Variants in FCHSD2 observed in about 807,000 individuals in gnomAD.
The protein encoded by FCHSD2 is FCH and double SH3 domains 2.
FCHSD2 carries 38 observed loss-of-function variants against 108.1 expected under a neutral mutation model. That is an observed-to-expected ratio of 0.35 (90% CI 0.27 to 0.46). FCHSD2 has a LOEUF of 0.46. Ranked by LOEUF, FCHSD2 falls within the 20% of genes least tolerant of loss-of-function variation. The pLI is 1.00. For missense variants in FCHSD2, 751 were observed against 897.8 expected (o/e 0.84, Z 2.09); for synonymous variants, 279 against 314.7 (o/e 0.89, Z 1.20).
intron 3 of FCHSD2, among the ~76,000 whole-genome samples, chr11:73,047,211 A>C (rs1858789707): frequency 6.6e-6 from 1 of 152,070 alleles, no homozygotes; most frequent in Non-Finnish European, 1.5e-5. Flanking sequence ...TGTACCACCC[A>C]TATTATTTGA....
chr11:72,933,884 G>GT (rs1316804298), intron 8 of FCHSD2, among the ~76,000 whole-genome samples: 1 of 152,020 alleles, frequency 6.6e-6, no homozygotes, highest in African/African-American at 2.4e-5. Flanking sequence ...TTAGGTGGGC[G>GT]TATCACTTGA....
At chr11:72,964,842 C>A (rs182304489) in intron 8 of FCHSD2, among the ~76,000 whole-genome samples, 2 of 145,028 alleles carry the variant, frequency 1.4e-5, no homozygotes, top group African/African-American at 2.6e-5. Context: ...CAGGCTGGAG[C>A]GCACTGGCAG....
chr11:73,014,953 C>T (rs528646565), intron 4 of FCHSD2, among the ~76,000 whole-genome samples: 2 of 152,234 alleles, frequency 1.3e-5, no homozygotes, highest in South Asian at 2.1e-4. Flanking sequence ...AAGCAATCCT[C>T]CTGCCTCAGC....
chr11:72,939,330 G>A (rs954844227), intron 8 of FCHSD2, among the ~76,000 whole-genome samples: 6 of 151,978 alleles, frequency 3.9e-5, no homozygotes, highest in African/African-American at 2.4e-5. Flanking sequence ...TCCCCCAGTC[G>A]GTAAGATTGT....
intron 8 of FCHSD2, among the ~76,000 whole-genome samples, chr11:72,962,554 T>C (rs968219579): frequency 2.0e-5 from 3 of 151,842 alleles, no homozygotes; most frequent in Non-Finnish European, 4.4e-5. Context: ...ATTTTTGAGA[T>C]GTTTTTCTTC....
chr11:73,115,359 A>AT (rs1860579381), intron 2 of FCHSD2, among the ~76,000 whole-genome samples: 1 of 152,104 alleles, frequency 6.6e-6, no homozygotes, highest in Non-Finnish European at 1.5e-5. Context: ...CCTCTTTTGT[A>AT]TTTTTAGCAG....
intron 9 of FCHSD2, among the ~76,000 whole-genome samples, chr11:72,904,777 A>G (rs972487380): frequency 1.3e-5 from 2 of 152,176 alleles, no homozygotes; most frequent in Non-Finnish European, 2.9e-5. Flanking sequence ...CTTTCTTTTC[A>G]TATACTAGTT....
chr11:72,879,318 A>G (rs1040570072), intron 12 of FCHSD2, among the ~76,000 whole-genome samples: 1 of 152,200 alleles, frequency 6.6e-6, no homozygotes, highest in African/African-American at 2.4e-5. Context: ...ACAAAACTCA[A>G]TAGTCTTTAT....
At position 72,841,445 on chromosome 11, in the gene FCHSD2, A is replaced by G. The variant is rs1406861831; in HGVS notation, c.2056+9T>C. 1 of 1,609,884 alleles carries G rather than the reference A, an allele frequency of 6.2e-7. No homozygotes were observed. Among genetic ancestry groups the G allele is most frequent in the Admixed American group, 1.7e-5 (1 of 59,422 alleles). ...ATGCATTTAGACCCATGCCCAGGAG[A>G]ACCCTTACCGTTTGCTGAAGGAGAC... On this transcript the variant is annotated intron_variant, in intron 18 of 19. Transcript: ENST00000409418.
chr11:73,008,750 T>C (rs1857796867), intron 4 of FCHSD2, among the ~76,000 whole-genome samples: 2 of 152,174 alleles, frequency 1.3e-5, no homozygotes, highest in Non-Finnish European at 1.5e-5. Context: ...TTTACAAAGA[T>C]ATAAAGATAT....
intron 3 of FCHSD2, among the ~76,000 whole-genome samples, chr11:73,025,911 T>C (rs1223370053): frequency 1.3e-5 from 2 of 152,160 alleles, no homozygotes; most frequent in Non-Finnish European, 2.9e-5. Flanking sequence ...GTGGTATATA[T>C]ACCTACTGAT....
At chr11:72,932,396 GA>G (rs1438704291) in intron 8 of FCHSD2, among the ~76,000 whole-genome samples, 2 of 152,074 alleles carry the variant, frequency 1.3e-5, no homozygotes, top group Admixed American at 1.3e-4. Context: ...TCACATTTAG[GA>G]AAAGGCTTTT....
chr11:72,968,466 C>T (rs1565346898), intron 8 of FCHSD2, among the ~76,000 whole-genome samples: 2 of 152,156 alleles, frequency 1.3e-5, no homozygotes, highest in Non-Finnish European at 2.9e-5. Context: ...AAAGATAATC[C>T]ATGAGGACTA....
chr11:73,081,361 G>A (rs1859680866), intron 3 of FCHSD2, among the ~76,000 whole-genome samples: 1 of 152,104 alleles, frequency 6.6e-6, no homozygotes, highest in African/African-American at 2.4e-5. Flanking sequence ...TTGAACTTGG[G>A]AGGTGGAGGG....
chr11:73,129,730 C>T (rs1860947932), intron 2 of FCHSD2, among the ~76,000 whole-genome samples: 1 of 152,168 alleles, frequency 6.6e-6, no homozygotes, highest in Non-Finnish European at 1.5e-5. Context: ...AACCATCCCC[C>T]TGACCCCACC....
chr11:72,868,838 AT>A (rs575534429), intron 12 of FCHSD2, among the ~76,000 whole-genome samples: 50 of 151,868 alleles, frequency 3.3e-4, no homozygotes, highest in African/African-American at 1.2e-3. Flanking sequence ...ATGCAGACAT[AT>A]TTTTGCACAA....
intron 11 of FCHSD2, among the ~76,000 whole-genome samples, chr11:72,889,156 G>GT (rs1565307584): frequency 2.7e-5 from 4 of 150,600 alleles, no homozygotes; most frequent in African/African-American, 9.8e-5. Flanking sequence ...GGGTTTCACC[G>GT]TAACACATGT....
intron 1 of FCHSD2, 48 bp downstream of exon 1, chr11:73,141,809 C>G (rs1219043036): frequency 1.3e-6 from 2 of 1,531,630 alleles, no homozygotes; most frequent in South Asian, 2.4e-5. Flanking sequence ...AGCCGCGTTC[C>G]GCGTACGCAT....
chr11:73,004,698 A>C (rs908172655), intron 4 of FCHSD2, among the ~76,000 whole-genome samples: 1 of 152,166 alleles, frequency 6.6e-6, no homozygotes, highest in Non-Finnish European at 1.5e-5. Context: ...ATCACATCAA[A>C]GTATATGGCA....
Sources: gnomAD v4.1 joint callset for allele counts (sites outside exome capture counted in the v4.1 genomes callset) on GRCh38, gnomAD v4.1.1 for gene constraint, MANE v1.5 for transcripts, NCBI Gene and HGNC (gene_info 2026-07-23, HGNC 2026-07-21) for gene names.